NALF1: variants seen among roughly 807,000 people sequenced by gnomAD.
NALF1 encodes NALCN channel auxiliary factor 1, also known as family with sequence similarity 155 member A.
NALF1 carries 3 observed loss-of-function variants against 48.4 expected under a neutral mutation model. The ratio of observed to expected loss-of-function variants is 0.06; its 90% confidence interval spans 0.03 to 0.16. The LOEUF (loss-of-function observed/expected upper bound fraction) is 0.16, where lower values mean the gene tolerates loss of function less well. Among genes scored for constraint, NALF1 ranks in the 10% least tolerant of loss-of-function variants. The pLI, the probability that NALF1 is intolerant of heterozygous loss-of-function variation, is 1.00. For synonymous variants in NALF1, 262 were observed against 245.7 expected (o/e 1.07, Z -0.62); for missense variants, 526 against 571.5 (o/e 0.92, Z 0.81).
At chr13:107,682,767 A>T (rs1440102056) in intron 1 of NALF1, among the ~76,000 whole-genome samples, 1 of 152,012 alleles carries the variant, frequency 6.6e-6, no homozygotes, top group African/African-American at 2.4e-5. Context: ...CCTCCACGAG[A>T]TGTGCTGCAT....
chr13:107,684,739 G>C (rs1405940346), intron 1 of NALF1, among the ~76,000 whole-genome samples: 1 of 152,154 alleles, frequency 6.6e-6, no homozygotes. Flanking sequence ...ACAACAATGA[G>C]GAATTTTGGG....
intron 1 of NALF1, among the ~76,000 whole-genome samples, chr13:107,557,486 G>T (rs1203548295): frequency 6.6e-6 from 1 of 152,042 alleles, no homozygotes; most frequent in Non-Finnish European, 1.5e-5. Flanking sequence ...GTTGTTAGTA[G>T]GTTTGGCCTA....
chr13:107,232,690 G>T (rs572308581), intron 1 of NALF1, among the ~76,000 whole-genome samples: 29 of 152,206 alleles, frequency 1.9e-4, no homozygotes, highest in Non-Finnish European at 3.2e-4. Context: ...CACTTGCTTG[G>T]GCTGGATGCG....
intron 1 of NALF1, among the ~76,000 whole-genome samples, chr13:107,470,174 A>T (rs1418530040): frequency 1.3e-5 from 2 of 152,198 alleles, no homozygotes; most frequent in Non-Finnish European, 2.9e-5. Context: ...CTTGTCTGGA[A>T]AGGTCTAATG....
intron 1 of NALF1, among the ~76,000 whole-genome samples, chr13:107,635,847 A>G (rs1216556110): frequency 6.6e-6 from 1 of 152,168 alleles, no homozygotes; most frequent in Admixed American, 6.6e-5. Flanking sequence ...TGAATAGGGA[A>G]TAGAAGCCTA....
chr13:107,265,780 T>C (rs1881026854), intron 1 of NALF1, among the ~76,000 whole-genome samples: 1 of 152,188 alleles, frequency 6.6e-6, no homozygotes, highest in Admixed American at 6.5e-5. Flanking sequence ...GAATATGAGG[T>C]AATTTTACCC....
intron 1 of NALF1, among the ~76,000 whole-genome samples, chr13:107,567,588 A>G (rs1312374353): frequency 1.3e-5 from 2 of 152,216 alleles, no homozygotes; most frequent in Non-Finnish European, 2.9e-5. Flanking sequence ...AGAAACTGAC[A>G]TGTCTAATAC....
chr13:107,583,213 T>A lies in NALF1; in HGVS notation c.915+282469A>T, dbSNP rs975730801. 2.0e-5 allele frequency among the ~76,000 whole-genome samples: 3 copies of A among 152,148 alleles called. No homozygotes were observed. The East Asian group carries it at 5.8e-4, about 29-fold the overall frequency. Reference sequence around the variant, plus strand: ...ACATTATGCTATTTATGAAACATAATGTTATATAAATATATAATTTATAAA... The same window carrying A: ...ACATTATGCTATTTATGAAACATAAAGTTATATAAATATATAATTTATAAA... On this transcript the variant is annotated intron_variant, in intron 1 of 2. Transcript: ENST00000375915.
At chr13:107,555,255 TTTA>T (rs976156907) in intron 1 of NALF1, among the ~76,000 whole-genome samples, 3 of 149,954 alleles carry the variant, frequency 2.0e-5, no homozygotes, top group Non-Finnish European at 2.9e-5. Context: ...AGATGTTTGA[TTTA>T]TTATTAATTA....
chr13:107,422,473 G>GTCATCATCA (rs71121528), intron 1 of NALF1, among the ~76,000 whole-genome samples: 110 of 151,204 alleles, frequency 7.3e-4, no homozygotes, highest in Middle Eastern at 3.4e-3. Context: ...AATCATAACA[G>GTCATCATCA]TCATCATCAT....
chr13:107,654,949 C>T (rs1273177436), intron 1 of NALF1, among the ~76,000 whole-genome samples: 1 of 152,114 alleles, frequency 6.6e-6, no homozygotes, highest in Non-Finnish European at 1.5e-5. Context: ...AATCCAGCAT[C>T]CCTTAATGAT....
intron 1 of NALF1, among the ~76,000 whole-genome samples, chr13:107,367,303 T>C (rs538533209): frequency 1.3e-5 from 2 of 152,326 alleles, no homozygotes; most frequent in South Asian, 4.1e-4. Context: ...CTGATCACTC[T>C]CATACAACCT....
At chr13:107,555,504 A>T (rs2138388402) in intron 1 of NALF1, among the ~76,000 whole-genome samples, 1 of 127,032 alleles carries the variant, frequency 7.9e-6, no homozygotes, top group African/African-American at 3.0e-5. Context: ...CATGTTTGCC[A>T]GGCTGGTCTC....
chr13:107,474,923 T>C lies in NALF1; in HGVS notation c.916-264168A>G, dbSNP rs547728756. ...CCTTCTTTCAGGGTCCCTAATTTCA[T>C]ACCAGTTTGAAAGCTTTCTGGTTCT... On this transcript the variant is annotated intron_variant, in intron 1 of 2. Coordinates refer to ENST00000375915, the MANE Select transcript of NALF1 (RefSeq NM_001080396.3). Among the ~76,000 whole-genome samples the C allele has an allele frequency of 3.3e-5, 5 of 152,326 alleles. No homozygotes were observed. The South Asian group carries it at 8.3e-4, about 25-fold the overall frequency.
chr13:107,711,268 G>A lies in NALF1; in HGVS notation c.915+154414C>T, dbSNP rs1446037711. On this transcript the variant is annotated intron_variant, in intron 1 of 2. Transcript: ENST00000375915. ...TTTTCCAGTAGAGATTCCAGAAATG[G>A]TTATGAAATTGAATTATGCATCATA... 5.3e-5 allele frequency among the ~76,000 whole-genome samples: 8 copies of A among 152,286 alleles called. No homozygotes were observed. In the East Asian group the frequency reaches 1.5e-3, roughly 29 times the overall value.
chr13:107,563,316 G>A (rs569055345), intron 1 of NALF1, among the ~76,000 whole-genome samples: 149 of 152,232 alleles, frequency 9.8e-4, no homozygotes, highest in South Asian at 1.7e-3. Flanking sequence ...ACATTGATCC[G>A]TTGTGACAAA....
chr13:107,336,759 T>C (rs947183974), intron 1 of NALF1, among the ~76,000 whole-genome samples: 1 of 152,182 alleles, frequency 6.6e-6, no homozygotes, highest in Non-Finnish European at 1.5e-5. Context: ...TACAGTCTAA[T>C]TATAAATTTA....
At chr13:107,438,848 A>AAAAAAAAAAAAAAAAAAAAC (rs1566342609) in intron 1 of NALF1, among the ~76,000 whole-genome samples, 1 of 147,850 alleles carries the variant, frequency 6.8e-6, no homozygotes, top group Non-Finnish European at 1.5e-5. Flanking sequence ...AAAAAAAAAA[A>AAAAAAAAAAAAAAAAAAAAC]AAAGAATAAT....
chr13:107,797,353 C>G (rs1878458534), intron 1 of NALF1, among the ~76,000 whole-genome samples: 1 of 152,050 alleles, frequency 6.6e-6, no homozygotes, highest in Admixed American at 6.6e-5. Context: ...ATACAGGCGC[C>G]CACCACCATG....
Sources: allele counts gnomAD v4.1 joint callset (sites outside exome capture counted in the v4.1 genomes callset), GRCh38; gene constraint gnomAD v4.1.1; transcripts MANE v1.5; gene names NCBI Gene and HGNC (gene_info 2026-07-23, HGNC 2026-07-21).